The following INSL6 variants were observed in gnomAD, a reference collection of about 807,000 sequenced individuals.
INSL6 encodes the protein insulin-like peptide INSL6.
In INSL6, 16 loss-of-function variants were observed where a neutral mutation model predicts 9.4. That is an observed-to-expected ratio of 1.70 (90% CI 1.15 to 2.59). The LOEUF (loss-of-function observed/expected upper bound fraction) is 2.59, where lower values mean the gene tolerates loss of function less well. Ranked by LOEUF, INSL6 falls within the 30% of genes most tolerant of loss-of-function variation. The pLI, the probability that INSL6 is intolerant of heterozygous loss-of-function variation, is 0.00. For missense variants in INSL6, 391 were observed against 257.3 expected (o/e 1.52, Z -3.56); for synonymous variants, 154 against 96.9 (o/e 1.59, Z -3.46).
the INSL6 span, among the ~76,000 whole-genome samples, chr9:5,010,303 T>C: frequency 6.6e-6 from 1 of 152,254 alleles, no homozygotes; most frequent in South Asian, 2.1e-4. Flanking sequence ...ACCGTTATTA[T>C]TCATGCTTTA....
downstream of INSL6, among the ~76,000 whole-genome samples, chr9:5,120,349 A>C (rs542340403): frequency 9.2e-5 from 14 of 152,374 alleles, no homozygotes; most frequent in South Asian, 8.3e-4. Flanking sequence ...ATTTTGGAGG[A>C]GACACATAGC....
At chr9:5,064,584 C>A in the INSL6 span, among the ~76,000 whole-genome samples, 1 of 151,090 alleles carries the variant, frequency 6.6e-6, no homozygotes, top group Non-Finnish European at 1.5e-5. Context: ...ACTTTTATAT[C>A]ATATTAAATA....
the INSL6 span, chr9:5,054,683 C>T: frequency 6.2e-7 from 1 of 1,613,356 alleles, no homozygotes; most frequent in Non-Finnish European, 8.5e-7. This position sits in a 1 kb window ranked among gnomAD's most constrained non-coding sequence, Gnocchi z 4.9. Flanking sequence ...AATGCAAAGC[C>T]ACTGCCAGAA....
chr9:5,170,118 C>T (rs777139870), intron 1 of INSL6, among the ~76,000 whole-genome samples: 5 of 152,268 alleles, frequency 3.3e-5, no homozygotes, highest in African/African-American at 1.2e-4. Flanking sequence ...CACTCCTCAG[C>T]AAATGCAAAA....
At chr9:5,095,181 T>C in the INSL6 span, among the ~76,000 whole-genome samples, 2 of 152,164 alleles carry the variant, frequency 1.3e-5, no homozygotes, top group Non-Finnish European at 1.5e-5. Flanking sequence ...AAATAAGCTA[T>C]TGGGCCCATT....
the INSL6 span, among the ~76,000 whole-genome samples, chr9:4,995,990 A>G: frequency 1.3e-5 from 2 of 152,138 alleles, no homozygotes; most frequent in African/African-American, 4.8e-5. Context: ...ATTTGTATCA[A>G]ATTTGCTACT....
chr9:5,114,584 C>T, the INSL6 span: 1 of 491,596 alleles, frequency 2.0e-6, no homozygotes, highest in South Asian at 1.6e-5. Context: ...GGCCCAAGGA[C>T]ATCTTGGTGC....
the INSL6 span, among the ~76,000 whole-genome samples, chr9:5,117,482 C>T: frequency 6.6e-6 from 1 of 152,100 alleles, no homozygotes. Flanking sequence ...GTTATTTGCT[C>T]TTTTCACTCA....
At chr9:5,131,950 T>C (rs998193650) in intron 3 of INSL6, 1 of 152,216 alleles carries the variant, frequency 6.6e-6, no homozygotes, top group Non-Finnish European at 1.5e-5. Flanking sequence ...TCCTTGTTTC[T>C]ATCAATAATT....
chr9:5,108,889 C>G, the INSL6 span: 1 of 152,144 alleles, frequency 6.6e-6, no homozygotes, highest in Non-Finnish European at 1.5e-5. Flanking sequence ...GTCACTTCAT[C>G]CCTGTTATTC....
chr9:5,115,991 A>G, the INSL6 span, among the ~76,000 whole-genome samples: 1 of 152,104 alleles, frequency 6.6e-6, no homozygotes, highest in African/African-American at 2.4e-5. Flanking sequence ...AACCACCATG[A>G]CACGTGTATA....
chr9:5,108,467 T>G, the INSL6 span: 1 of 152,172 alleles, frequency 6.6e-6, no homozygotes, highest in Non-Finnish European at 1.5e-5. Context: ...TGATATTTAC[T>G]GACCAAGAAC....
chr9:5,159,879 AG>A (rs776552902), downstream of INSL6, among the ~76,000 whole-genome samples: 50 of 152,364 alleles, frequency 3.3e-4, no homozygotes, highest in Admixed American at 7.2e-4. Context: ...CCTCGAGAAT[AG>A]ACCACATGTG....
chr9:5,069,302 G>T, the INSL6 span: 1 of 757,870 alleles, frequency 1.3e-6, no homozygotes. Flanking sequence ...AAGGATATAT[G>T]AAAGAAGCAG....
chr9:5,180,868 T>G (rs1213647179), intron 1 of INSL6, among the ~76,000 whole-genome samples: 1 of 152,152 alleles, frequency 6.6e-6, no homozygotes, highest in African/African-American at 2.4e-5. Flanking sequence ...GTTAGACCCT[T>G]ATTAGTAGTT....
the INSL6 span, among the ~76,000 whole-genome samples, chr9:5,034,648 T>A: frequency 2.6e-5 from 4 of 151,862 alleles, no homozygotes; most frequent in Non-Finnish European, 5.9e-5. Context: ...ACTGGGTACA[T>A]AACGAAATGA....
At chr9:5,115,863 C>T in the INSL6 span, among the ~76,000 whole-genome samples, 10 of 152,040 alleles carry the variant, frequency 6.6e-5, no homozygotes, top group Admixed American at 2.6e-4. Context: ...ACAATGACAA[C>T]ATATGGACAC....
At chr9:5,164,552 T>TA (rs1221439943) in intron 1 of INSL6, among the ~76,000 whole-genome samples, 1 of 152,240 alleles carries the variant, frequency 6.6e-6, no homozygotes, top group African/African-American at 2.4e-5. Context: ...TGGGTCTTAG[T>TA]ATATTCGCAG....
the INSL6 span, chr9:5,080,811 G>C: frequency 2.0e-4 from 112 of 560,620 alleles, no homozygotes; most frequent in African/African-American, 1.8e-3. Flanking sequence ...AATTTCTTAT[G>C]TTCATATGGC....
Sources: allele counts gnomAD v4.1 joint callset (sites outside exome capture counted in the v4.1 genomes callset), GRCh38; gene constraint gnomAD v4.1.1; non-coding constraint Gnocchi (gnomAD v3.1); transcripts MANE v1.5; gene names NCBI Gene and HGNC (gene_info 2026-07-23, HGNC 2026-07-21).